Variants in LRRC69 observed in about 807,000 individuals in gnomAD.
The protein encoded by LRRC69 is leucine-rich repeat-containing protein 69.
LRRC69 carries 42 observed loss-of-function variants against 37.8 expected under a neutral mutation model. The observed-to-expected ratio is 1.11, with a 90% CI of 0.87 to 1.44. The LOEUF is 1.44. Among genes scored for constraint, LRRC69 ranks in the 40% most tolerant of loss-of-function variants. The pLI, the probability that LRRC69 is intolerant of heterozygous loss-of-function variation, is 0.00. For missense variants in LRRC69, 357 were observed against 401.9 expected (o/e 0.89, Z 0.96); for synonymous variants, 141 against 143.1 (o/e 0.99, Z 0.11).
rs75684074 is a variant in LRRC69, at chr8:91,200,515, T to C, written c.754-98T>C. 971 of 725,756 alleles carry C rather than the reference T, an allele frequency of 1.3e-3. 8 individuals carry two copies. The African/African-American group carries it at 0.017, about 13-fold the overall frequency. The allele number at this position is 725,756 out of a possible 1,614,324, so 45.0% of individuals were successfully genotyped here. A position where few individuals can be genotyped will look rare whatever the true frequency, so the allele number is the denominator to read the frequency against. On this transcript the variant is annotated intron_variant, in intron 6 of 7. Transcript: ENST00000448384. The stretch of plus-strand genomic sequence containing the variant: ...GAATCTTAATTTAACAGAATCTAGA[T>C]AATAAGCCATACACTTTATCTAATG...
At chr8:91,168,098 T>C (rs1379264056) in intron 5 of LRRC69, among the ~76,000 whole-genome samples, 1 of 151,878 alleles carries the variant, frequency 6.6e-6, no homozygotes, top group Non-Finnish European at 1.5e-5. Flanking sequence ...AGACTGATAA[T>C]ACACAGGTAA....
At chr8:91,210,478 G>A (rs571222195) in intron 7 of LRRC69, among the ~76,000 whole-genome samples, 1 of 151,952 alleles carries the variant, frequency 6.6e-6, no homozygotes, top group East Asian at 1.9e-4. Context: ...GACTTGCAGA[G>A]TAAGAAAATA....
chr8:91,174,951 A>G (rs1297365894), intron 5 of LRRC69, among the ~76,000 whole-genome samples: 2 of 152,174 alleles, frequency 1.3e-5, no homozygotes, highest in African/African-American at 4.8e-5. Flanking sequence ...TTAGATTGAG[A>G]GAAGAGAGAA....
chr8:91,140,684 C>T lies in LRRC69; in HGVS notation c.651+4945C>T, dbSNP rs1177498349. 1.9e-4 allele frequency among the ~76,000 whole-genome samples: 2 copies of T among 10,628 alleles called. 1 individual carries two copies. The highest frequency in any genetic ancestry group is 3.5e-4 in the Non-Finnish European group (2 of 5,646). 7.0% of individuals were successfully genotyped at this position (10,628 alleles called of 152,430 possible). On this transcript the variant is annotated intron_variant, in intron 5 of 7. Transcript: ENST00000448384. Reference sequence around the variant, plus strand: ...TTTTTTTTTTTTTGAGACGGAGTCTCGCTCTGTCGCCCAGGCTGGAGTGCA... The same window carrying T: ...TTTTTTTTTTTTTGAGACGGAGTCTTGCTCTGTCGCCCAGGCTGGAGTGCA...
At chr8:91,120,599 C>T (rs1326255392) in intron 1 of LRRC69, among the ~76,000 whole-genome samples, 1 of 152,112 alleles carries the variant, frequency 6.6e-6, no homozygotes, top group Non-Finnish European at 1.5e-5. Flanking sequence ...GGAGCAGAGG[C>T]ACAACCTTCC....
rs1809815501 is a variant in LRRC69 at position 91,206,898 on chromosome 8, C to T, written c.933+6106C>T. ...CCAAGTAGAGGATATGGGCAGGGAA[C>T]TCATACATGTTATTCCTGATCCTTA... is the stretch of plus-strand genomic sequence containing the variant. On this transcript the variant is annotated intron_variant, in intron 7 of 7. Coordinates refer to ENST00000448384, the Ensembl canonical transcript of LRRC69. 3 of 1,211,724 alleles carry T rather than the reference C, an allele frequency of 2.5e-6. No individual in the cohort carries two copies. In the East Asian group the frequency reaches 1.7e-4, roughly 69 times the overall value. 75.1% of individuals were successfully genotyped at this position (1,211,724 alleles called of 1,614,324 possible). A position where few individuals can be genotyped will look rare whatever the true frequency, so the allele number is the denominator to read the frequency against.
chr8:91,125,219 T>C (rs1172346369), intron 2 of LRRC69, among the ~76,000 whole-genome samples: 1 of 151,872 alleles, frequency 6.6e-6, no homozygotes, highest in Non-Finnish European at 1.5e-5. Context: ...TCAACTAATG[T>C]AAGGTACTTC....
intron 5 of LRRC69, among the ~76,000 whole-genome samples, chr8:91,171,763 A>T (rs1270131295): frequency 1.3e-5 from 2 of 152,052 alleles, no homozygotes; most frequent in African/African-American, 4.8e-5. Flanking sequence ...ATTCCTGGAA[A>T]AACTTTTAAA....
At chr8:91,197,371 C>A (rs1465243098) in intron 6 of LRRC69, among the ~76,000 whole-genome samples, 1 of 152,220 alleles carries the variant, frequency 6.6e-6, no homozygotes, top group African/African-American at 2.4e-5. Context: ...GGGCTCCACC[C>A]AGTTCGAGCT....
At chr8:91,166,757 A>G (rs1296588802) in intron 5 of LRRC69, among the ~76,000 whole-genome samples, 1 of 151,804 alleles carries the variant, frequency 6.6e-6, no homozygotes, top group African/African-American at 2.4e-5. Context: ...AGTTCCACTG[A>G]AAGTGCCCTG....
chr8:91,162,170 CAT>C (rs1447772264), intron 5 of LRRC69, among the ~76,000 whole-genome samples: 7 of 151,454 alleles, frequency 4.6e-5, no homozygotes, highest in Non-Finnish European at 7.4e-5. Context: ...TATGTCCTAA[CAT>C]ATGGTTTATC....
At chr8:91,106,923 G>A (rs1813324273) in intron 1 of LRRC69, among the ~76,000 whole-genome samples, 1 of 151,482 alleles carries the variant, frequency 6.6e-6, no homozygotes, top group Non-Finnish European at 1.5e-5. Flanking sequence ...TTCCCAAGTA[G>A]TTGGGGCTAC....
At chr8:91,147,219 AT>A (rs1438474881) in intron 5 of LRRC69, among the ~76,000 whole-genome samples, 6 of 147,574 alleles carry the variant, frequency 4.1e-5, no homozygotes, top group African/African-American at 1.5e-4. Flanking sequence ...TTTTTCTCAT[AT>A]GAATATAGCT....
At chr8:91,194,384 C>G (rs1809556605) in intron 6 of LRRC69, among the ~76,000 whole-genome samples, 1 of 151,636 alleles carries the variant, frequency 6.6e-6, no homozygotes. Flanking sequence ...GGAGGATTCT[C>G]TATTGTTTTA....
intron 6 of LRRC69, among the ~76,000 whole-genome samples, chr8:91,196,631 T>G (rs562686020): frequency 1.3e-5 from 2 of 152,222 alleles, no homozygotes; most frequent in African/African-American, 4.8e-5. Context: ...TTCCAGTTGA[T>G]CGCATCAGCT....
intron 1 of LRRC69, among the ~76,000 whole-genome samples, chr8:91,121,461 A>G (rs1179503924): frequency 1.3e-5 from 2 of 151,968 alleles, no homozygotes; most frequent in African/African-American, 4.8e-5. Flanking sequence ...GCTCAGCCAC[A>G]TTAGCTGCAT....
intron 3 of LRRC69, among the ~76,000 whole-genome samples, chr8:91,129,221 C>CAG (rs959145500): frequency 1.3e-5 from 2 of 151,652 alleles, no homozygotes; most frequent in Non-Finnish European, 2.9e-5. Context: ...GTCTGGAAGA[C>CAG]AGAGAGAGAG....
At chr8:91,205,151 T>TATGA (rs370160310) in intron 7 of LRRC69, among the ~76,000 whole-genome samples, 2 of 152,222 alleles carry the variant, frequency 1.3e-5, no homozygotes, top group African/African-American at 4.8e-5. Flanking sequence ...TTATAAAAAA[T>TATGA]ATGAATGAAT....
At position 91,127,274 on chromosome 8, in the gene LRRC69, A is replaced by G. The variant is rs1426355598; in HGVS notation, c.383+114A>G. The G allele has an allele frequency of 6.1e-5, 45 of 736,004 alleles. No homozygotes were observed. The East Asian group carries it at 1.3e-3, about 21-fold the overall frequency. The allele number at this position is 736,004 out of a possible 1,614,324, so 45.6% of individuals were successfully genotyped here. On this transcript the variant is annotated intron_variant, in intron 3 of 7. Transcript: ENST00000448384. Reference sequence around the variant, plus strand: ...AGTCCCTGTGAGATTTATACATAGCAAAGAGGGATCTGAAGGACTGAGGCA... The same window carrying G: ...AGTCCCTGTGAGATTTATACATAGCGAAGAGGGATCTGAAGGACTGAGGCA...
Sources: gnomAD v4.1 joint callset for allele counts (sites outside exome capture counted in the v4.1 genomes callset) on GRCh38, gnomAD v4.1.1 for gene constraint, MANE v1.5 for transcripts, NCBI Gene and HGNC (gene_info 2026-07-23, HGNC 2026-07-21) for gene names.